CDCA7L: variants seen among roughly 807,000 people sequenced by gnomAD.
CDCA7L encodes cell division cycle associated 7 like.
A neutral mutation model predicts 57.4 loss-of-function variants in CDCA7L; 44 were observed. The observed-to-expected ratio is 0.77, with a 90% CI of 0.60 to 0.98. The LOEUF is 0.98. Among genes scored for constraint, CDCA7L ranks in the 50% least tolerant of loss-of-function variants. CDCA7L has a pLI of 0.00. For missense variants in CDCA7L, 644 were observed against 580.6 expected (o/e 1.11, Z -1.12); for synonymous variants, 236 against 202.8 (o/e 1.16, Z -1.39).
At position 21,916,802 on chromosome 7, in the gene CDCA7L, C is replaced by G. The variant is rs748694657; in HGVS notation, c.117G>C (p.Ser39=). The G allele has an allele frequency of 1.9e-6, 3 of 1,613,982 alleles. No individual in the cohort carries two copies. The highest frequency in any genetic ancestry group is 2.2e-5 in the South Asian group (2 of 91,072). Reference sequence around the variant, plus strand: ...CAAAACTATCGCAGCTCTCCTCTGACGAGAGGGTTTCCATGGGAACATCAT... The same window carrying G: ...CAAAACTATCGCAGCTCTCCTCTGAGGAGAGGGTTTCCATGGGAACATCAT... The part of the protein sequence containing the change: ...FRDDVPMETL[S]SEESCDSFDS... The change falls in exon 2 of 10, where the codon TCG becomes TCC. Residue 39 remains serine, a synonymous_variant. Transcript: ENST00000406877.
At position 21,901,817 on chromosome 7, in the gene CDCA7L, A is replaced by AAATAAAACTGTTCTACAGTT. The variant is rs1784883054; in HGVS notation, c.*485_*504dup. The AAATAAAACTGTTCTACAGTT allele has an allele frequency of 6.0e-6, 1 of 165,636 alleles. No individual in the cohort carries two copies. The highest frequency in any genetic ancestry group is 1.3e-5 in the Non-Finnish European group (1 of 75,290). The allele number at this position is 165,636 out of a possible 1,614,324, so 10.3% of individuals were successfully genotyped here. On this transcript the variant is annotated 3_prime_UTR_variant, in exon 10 of 10. Transcript: ENST00000406877. Reference sequence around the variant, plus strand: ...CTTTTGTTCAGTCAAGTTTTAATAAAAATAAAACTGTTCTACAGTTAATTG... The same window carrying AAATAAAACTGTTCTACAGTT: ...CTTTTGTTCAGTCAAGTTTTAATAAAAATAAAACTGTTCTACAGTTAATAAAACTGTTCTACAGTTAATTG...
At chr7:21,903,608 G>A (rs999728738) in intron 8 of CDCA7L, among the ~76,000 whole-genome samples, 6 of 115,098 alleles carry the variant, frequency 5.2e-5, no homozygotes, top group East Asian at 3.6e-4. Flanking sequence ...GCTCAAGGTC[G>A]TGCCTACTCA....
chr7:21,911,317 G>A (rs1001581932), intron 3 of CDCA7L, among the ~76,000 whole-genome samples: 25 of 152,034 alleles, frequency 1.6e-4, no homozygotes, highest in African/African-American at 5.3e-4. Context: ...ATGAGCCACC[G>A]TGCCTGGCCA....
intron 4 of CDCA7L, among the ~76,000 whole-genome samples, chr7:21,907,709 G>C (rs932721588): frequency 1.3e-5 from 2 of 152,144 alleles, no homozygotes; most frequent in East Asian, 1.9e-4. Context: ...CCATAGAAGA[G>C]TGGTTCTGTG....
intron 1 of CDCA7L, among the ~76,000 whole-genome samples, chr7:21,919,776 G>C (rs1378147078): frequency 6.6e-6 from 1 of 151,936 alleles, no homozygotes; most frequent in Non-Finnish European, 1.5e-5. Context: ...ACACAAAATA[G>C]CGCCAAACTG....
chr7:21,938,126 A>G (rs551450517), intron 1 of CDCA7L, among the ~76,000 whole-genome samples: 1 of 152,190 alleles, frequency 6.6e-6, no homozygotes, highest in Admixed American at 6.5e-5. Flanking sequence ...GGCAACCTAT[A>G]TAGAATGAGA....
At chr7:21,938,049 AAAAT>A (rs1014428803) in intron 1 of CDCA7L, among the ~76,000 whole-genome samples, 37 of 152,246 alleles carry the variant, frequency 2.4e-4, no homozygotes, top group African/African-American at 8.0e-4. Context: ...CAACAAAAGA[AAAAT>A]AAATAAACTA....
chr7:21,903,930 T>TGCTCTCCTTCCAGAAG, intron 8 of CDCA7L, 180 bp downstream of exon 8: 1 of 511,292 alleles, frequency 2.0e-6, no homozygotes, highest in East Asian at 3.3e-5. Flanking sequence ...CTGGTCAGCT[T>TGCTCTCCTTCCAGAAG]GCTCTCCTTC....
intron 1 of CDCA7L, among the ~76,000 whole-genome samples, chr7:21,924,843 C>G (rs1785774060): frequency 6.6e-6 from 1 of 152,126 alleles, no homozygotes; most frequent in Admixed American, 6.5e-5. Flanking sequence ...CAAATGCTGT[C>G]TCTGATTTGC....
intron 1 of CDCA7L, among the ~76,000 whole-genome samples, chr7:21,945,290 C>A (rs916456688): frequency 1.3e-5 from 2 of 151,998 alleles, no homozygotes; most frequent in African/African-American, 4.8e-5. Context: ...TACAAAAGTT[C>A]TAGAATAAAC....
At chr7:21,916,514 TAA>T (rs71557529) in intron 2 of CDCA7L, among the ~76,000 whole-genome samples, 73,791 of 105,152 alleles carry the variant, frequency 0.7, 25,635 homozygotes, top group Non-Finnish European at 0.75. Flanking sequence ...TCCCTTTATT[TAA>T]AAAAAAAAAA....
In CDCA7L at chr7:21,900,994, GTTT is replaced by G. The variant is rs747171868; in HGVS notation, c.*1325_*1327del. 3.8e-6 allele frequency: 6 copies of G among 1,572,976 alleles called. No individual in the cohort carries two copies. In the Admixed American group the frequency reaches 9.4e-5, roughly 25 times the overall value. ...GCTGCCACACAATTGCAACCGCTGT[GTTT>G]TTGCCATAGGCGCCCGCTGGGACAC... On this transcript the variant is annotated 3_prime_UTR_variant, in exon 10 of 10. Coordinates refer to ENST00000406877, the MANE Select transcript of CDCA7L (RefSeq NM_018719.5).
intron 1 of CDCA7L, among the ~76,000 whole-genome samples, chr7:21,928,147 A>C (rs1315158227): frequency 6.6e-6 from 1 of 152,136 alleles, no homozygotes; most frequent in Non-Finnish European, 1.5e-5. Flanking sequence ...GCTGTTCTGC[A>C]ACCTCGCAAA....
Position 21,901,201 on chromosome 7 carries a change from G to C in CDCA7L, c.*1121C>G. 6.2e-7 allele frequency: 1 copy of C among 1,613,918 alleles called. No homozygotes were observed. Among genetic ancestry groups the C allele is most frequent in the Non-Finnish European group, 8.5e-7 (1 of 1,179,832 alleles). On this transcript the variant is annotated 3_prime_UTR_variant, in exon 10 of 10. Coordinates refer to ENST00000406877, the MANE Select transcript of CDCA7L (RefSeq NM_018719.5). Reference sequence around the variant, plus strand: ...CTGGACCTTCAGGCTGAAGAGCGAAGAGAAGACTGCAAAATGGGTTCTGGC... The same window carrying C: ...CTGGACCTTCAGGCTGAAGAGCGAACAGAAGACTGCAAAATGGGTTCTGGC...
In CDCA7L at chr7:21,901,259, A is replaced by ACACTGGCATT. The variant is rs749103140; in HGVS notation, c.*1053_*1062dup. 6.3e-7 allele frequency: 1 copy of ACACTGGCATT among 1,598,026 alleles called. No homozygotes were observed. Among genetic ancestry groups the ACACTGGCATT allele is most frequent in the Non-Finnish European group, 8.5e-7 (1 of 1,172,258 alleles). The stretch of plus-strand genomic sequence containing the variant: ...GCTCTGCTTCTAGAAGCGTAAGGTA[A>ACACTGGCATT]CACTGGCATTCCTCTAGCCTCTGCT... On this transcript the variant is annotated 3_prime_UTR_variant, in exon 10 of 10. Coordinates refer to ENST00000406877, the MANE Select transcript of CDCA7L (RefSeq NM_018719.5).
chr7:21,911,963 C>CAAA lies in CDCA7L; in HGVS notation c.166-212_166-210dup, dbSNP rs59150302. On this transcript the variant is annotated intron_variant, in intron 2 of 9. Transcript: ENST00000406877. ...ACTTCATGTTATGTGTATTTTACCA[C>CAAA]AAAAAAAAAAAAACACTGGCCGGGT... 5.5e-3 allele frequency among the ~76,000 whole-genome samples: 754 copies of CAAA among 137,328 alleles called. 6 individuals carry two copies. Among genetic ancestry groups the CAAA allele is most frequent in the Non-Finnish European group, 7.5e-3 (476 of 63,602 alleles). 90.1% of individuals were successfully genotyped at this position (137,328 alleles called of 152,430 possible).
At chr7:21,916,513 TTAA>T (rs1785484966) in intron 2 of CDCA7L, among the ~76,000 whole-genome samples, 3 of 39,728 alleles carry the variant, frequency 7.6e-5, no homozygotes, top group African/African-American at 2.0e-4. Context: ...GTCCCTTTAT[TTAA>T]AAAAAAAAAA....
intron 9 of CDCA7L, chr7:21,902,715 T>TTCTGTCATACACC (rs1163147906): frequency 4.0e-6 from 2 of 493,894 alleles, no homozygotes; most frequent in African/African-American, 3.8e-5. Flanking sequence ...TTCCTTCCAT[T>TTCTGTCATACACC]TCTGTCATAC....
intron 1 of CDCA7L, among the ~76,000 whole-genome samples, chr7:21,930,152 G>T (rs1785960516): frequency 1.3e-5 from 2 of 152,168 alleles, no homozygotes; most frequent in Non-Finnish European, 2.9e-5. Context: ...TGGAACTCAG[G>T]ATGAAGAAAC....
Sources: allele counts gnomAD v4.1 joint callset (sites outside exome capture counted in the v4.1 genomes callset), GRCh38; gene constraint gnomAD v4.1.1; transcripts MANE v1.5; gene names NCBI Gene and HGNC (gene_info 2026-07-23, HGNC 2026-07-21).